ERI1: variants seen among roughly 807,000 people sequenced by gnomAD.
The protein encoded by ERI1 is 3'-5' exoribonuclease 1.
Under a neutral mutation model 39.7 loss-of-function variants are expected in ERI1, and 39 were observed. The observed-to-expected ratio is 0.98, with a 90% CI of 0.76 to 1.28. The LOEUF (loss-of-function observed/expected upper bound fraction) is 1.28. ERI1 is among the 50% of genes most tolerant of loss of function. The pLI, the probability that ERI1 is intolerant of heterozygous loss-of-function variation, is 0.00. For missense variants in ERI1, 581 were observed against 416.9 expected (o/e 1.39, Z -3.43); for synonymous variants, 204 against 149.6 (o/e 1.36, Z -2.65).
chr8:9,011,813 T>G (rs1816704318), intron 3 of ERI1, 61 bp downstream of exon 3: 14 of 1,277,986 alleles, frequency 1.1e-5, no homozygotes, highest in Non-Finnish European at 1.5e-5. Flanking sequence ...TGTTTACTGG[T>G]TATGTGGAGG....
intron 6 of ERI1, among the ~76,000 whole-genome samples, chr8:9,026,008 T>C (rs1303053768): frequency 1.3e-5 from 2 of 152,192 alleles, no homozygotes; most frequent in African/African-American, 4.8e-5. Flanking sequence ...CAGCCACTGA[T>C]ATGGACAGTC....
In ERI1 at chr8:9,022,692, A is replaced by G. The variant is rs548348399; in HGVS notation, c.807+2228A>G. Among the ~76,000 whole-genome samples the G allele has an allele frequency of 2.6e-5, 4 of 152,218 alleles. No homozygotes were observed. In the East Asian group the frequency reaches 7.7e-4, roughly 29 times the overall value. On this transcript the variant is annotated intron_variant, in intron 6 of 6. Transcript: ENST00000250263. ...TGGGATTATAGGCGTGAGCCACTGC[A>G]CCTGGCCTTTTGTGGATCTTTTTTT... is the stretch of plus-strand genomic sequence containing the variant.
intron 3 of ERI1, among the ~76,000 whole-genome samples, chr8:9,061,103 G>A (rs553374406): frequency 4.6e-5 from 7 of 152,286 alleles, no homozygotes; most frequent in South Asian, 2.1e-4. Flanking sequence ...GGAGCGGAGC[G>A]GTAGCCTCAG....
intron 3 of ERI1, among the ~76,000 whole-genome samples, chr8:9,040,227 T>A (rs1453258734): frequency 6.6e-6 from 1 of 152,120 alleles, no homozygotes; most frequent in Non-Finnish European, 1.5e-5. Flanking sequence ...ATTTGTTCAA[T>A]AAAAATCATT....
At chr8:9,003,710 C>T (rs1815631205) in intron 1 of ERI1, among the ~76,000 whole-genome samples, 5 of 152,240 alleles carry the variant, frequency 3.3e-5, no homozygotes, top group Admixed American at 6.5e-5. Context: ...TTTGACATCT[C>T]ATCGGTTGAA....
chr8:9,003,495 G>C (rs538343238), intron 1 of ERI1, among the ~76,000 whole-genome samples: 9 of 152,166 alleles, frequency 5.9e-5, no homozygotes, highest in Admixed American at 2.0e-4. Context: ...AGCCGTTATG[G>C]GTAGTTTGCA....
intron 3 of ERI1, among the ~76,000 whole-genome samples, chr8:9,088,942 C>T (rs1235151033): frequency 3.3e-5 from 5 of 152,144 alleles, no homozygotes; most frequent in Non-Finnish European, 7.3e-5. Context: ...TGGAGAGCAG[C>T]GTGACGTTAG....
chr8:9,028,085 T>G (rs1797311835), intron 6 of ERI1, among the ~76,000 whole-genome samples: 1 of 152,236 alleles, frequency 6.6e-6, no homozygotes, highest in Admixed American at 6.5e-5. Flanking sequence ...GATGCTGACC[T>G]TAATGGAATG....
intron 3 of ERI1, among the ~76,000 whole-genome samples, chr8:9,014,345 AC>A (rs1817002686): frequency 6.6e-6 from 1 of 151,950 alleles, no homozygotes; most frequent in South Asian, 2.1e-4. Flanking sequence ...CTTAAATCTT[AC>A]CTCTAAATAA....
Position 9,003,022 on chromosome 8 carries a change from AG to A in ERI1, c.-41del. 8.5e-7 allele frequency: 1 copy of A among 1,169,690 alleles called. No homozygotes were observed. The highest frequency in any genetic ancestry group is 1.1e-6 in the Non-Finnish European group (1 of 918,718). 72.5% of individuals were successfully genotyped at this position (1,169,690 alleles called of 1,614,324 possible). A position where few individuals can be genotyped will look rare whatever the true frequency, so the allele number is the denominator to read the frequency against. ...GGGCTCTGCAGAGTGAGAGTTAGCA[AG>A]TGTCCGGCTCCAGCAACTCTCCTCT... On this transcript the variant is annotated 5_prime_UTR_variant, in exon 1 of 7. It adds an upstream start codon to the 5' untranslated region. Transcript: ENST00000250263.
chr8:9,089,913 A>T (rs536021451), intron 3 of ERI1, among the ~76,000 whole-genome samples: 1 of 152,192 alleles, frequency 6.6e-6, no homozygotes, highest in South Asian at 2.1e-4. Context: ...GTGAACAATG[A>T]GACAGATTCC....
chr8:9,088,844 A>T (rs752377437), intron 3 of ERI1, among the ~76,000 whole-genome samples: 1 of 152,190 alleles, frequency 6.6e-6, no homozygotes, highest in South Asian at 2.1e-4. Flanking sequence ...GGAGTTGACA[A>T]TGAGTGTCTC....
intron 3 of ERI1, among the ~76,000 whole-genome samples, chr8:9,074,727 G>A (rs897312251): frequency 2.0e-5 from 3 of 152,168 alleles, no homozygotes; most frequent in East Asian, 1.9e-4. Context: ...GAGCCACTGC[G>A]CCCAGCCAGT....
chr8:9,099,219 G>A (rs1487930409), intron 3 of ERI1, among the ~76,000 whole-genome samples: 1 of 152,042 alleles, frequency 6.6e-6, no homozygotes, highest in African/African-American at 2.4e-5. Flanking sequence ...CCAACAAAGA[G>A]TTCTTGTGCT....
At chr8:9,082,146 C>G (rs1020171536) in intron 3 of ERI1, among the ~76,000 whole-genome samples, 4 of 152,190 alleles carry the variant, frequency 2.6e-5, no homozygotes, top group African/African-American at 9.6e-5. Context: ...CTTTCTAGAA[C>G]CTTCCATCAG....
intron 3 of ERI1, among the ~76,000 whole-genome samples, chr8:9,089,433 A>G (rs1459856652): frequency 1.3e-5 from 2 of 152,128 alleles, no homozygotes; most frequent in Admixed American, 6.5e-5. Flanking sequence ...GGAACTTAAG[A>G]TTCTTCTTCC....
chr8:9,084,477 C>T (rs1205022494), intron 3 of ERI1, among the ~76,000 whole-genome samples: 1 of 152,174 alleles, frequency 6.6e-6, no homozygotes, highest in Non-Finnish European at 1.5e-5. Context: ...TAGTTGCCTG[C>T]CTTCCCGATA....
At chr8:9,086,703 T>A (rs1799540096) in intron 3 of ERI1, among the ~76,000 whole-genome samples, 1 of 152,208 alleles carries the variant, frequency 6.6e-6, no homozygotes, top group Non-Finnish European at 1.5e-5. Flanking sequence ...AAAAGCAGCC[T>A]AAATGTCCTA....
chr8:9,058,839 T>TGATAAATA (rs1798594946), intron 3 of ERI1, among the ~76,000 whole-genome samples: 1 of 105,816 alleles, frequency 9.5e-6, no homozygotes, highest in Non-Finnish European at 2.1e-5. Flanking sequence ...GCAACTTCAT[T>TGATAAATA]GATAAATAAA....
Sources: allele counts gnomAD v4.1 joint callset (sites outside exome capture counted in the v4.1 genomes callset), GRCh38; gene constraint gnomAD v4.1.1; transcripts MANE v1.5; gene names NCBI Gene and HGNC (gene_info 2026-07-23, HGNC 2026-07-21).